The following LRRC1 variants were observed in gnomAD, a reference collection of about 807,000 sequenced individuals.
LRRC1 encodes the protein leucine rich repeat containing 1, also known as leucine-rich repeat-containing protein 1.
LRRC1 carries 28 observed loss-of-function variants against 69.9 expected under a neutral mutation model. The observed-to-expected ratio is 0.40, with a 90% CI of 0.30 to 0.55. The LOEUF is 0.55. Among genes scored for constraint, LRRC1 ranks in the 20% least tolerant of loss-of-function variants. LRRC1 has a pLI of 0.47. For synonymous variants in LRRC1, 236 were observed against 240.2 expected (o/e 0.98, Z 0.16); for missense variants, 498 against 609.0 (o/e 0.82, Z 1.92).
At chr6:53,877,851 C>T (rs181277298) in intron 2 of LRRC1, among the ~76,000 whole-genome samples, 28 of 152,308 alleles carry the variant, frequency 1.8e-4, no homozygotes, top group Admixed American at 4.6e-4. Flanking sequence ...CTCCAGCCTC[C>T]GCCTGTGAAC....
chr6:53,817,585 G>T (rs187912429), intron 1 of LRRC1, among the ~76,000 whole-genome samples: 1 of 152,184 alleles, frequency 6.6e-6, no homozygotes, highest in Non-Finnish European at 1.5e-5. Flanking sequence ...AATGAATGGG[G>T]ATTATCTTTG....
In LRRC1 at chr6:53,795,110, C is replaced by G; in HGVS notation, c.-147C>G. 2.8e-6 allele frequency: 2 copies of G among 706,380 alleles called. No individual in the cohort carries two copies. The highest frequency in any genetic ancestry group is 4.4e-6 in the Non-Finnish European group (2 of 452,300). 43.8% of individuals were successfully genotyped at this position (706,380 alleles called of 1,614,324 possible). A position where few individuals can be genotyped will look rare whatever the true frequency, so the allele number is the denominator to read the frequency against. On this transcript the variant is annotated 5_prime_UTR_variant, in exon 1 of 14. Transcript: ENST00000370888. ...AGGTTCCTTGAAGCACTTCCGACCG[C>G]GAAGCCCGGCGCGAGAAGCGAGCTA...
Position 53,922,725 on chromosome 6 carries a change from G to T in LRRC1, c.1507G>T (p.Ala503Ser), listed in dbSNP as rs745418139. The T allele has an allele frequency of 3.7e-6, 6 of 1,614,078 alleles. No individual in the cohort carries two copies. Among genetic ancestry groups the T allele is most frequent in the Middle Eastern group, 1.6e-4 (1 of 6,062 alleles). ...VENLRNDMNAAKGLDSNKNEV... is the reference protein window; with the variant it reads ...VENLRNDMNASKGLDSNKNEV... ...GAATTTACGGAATGACATGAATGCT[G>T]CTAAAGGACTGGACTCAAACAAAAA... The change falls in exon 14 of 14, where the codon GCT becomes TCT. Residue 503 changes from alanine (A) to serine (S), a missense_variant. Physicochemically the swap from Ala to Ser is moderately conservative, Grantham distance 99. This residue lies in a region of LRRC1 where 162 missense variants were observed against 162.9 expected (regional missense o/e 0.99). Coordinates refer to ENST00000370888, the MANE Select transcript of LRRC1 (RefSeq NM_018214.5).
At position 53,870,209 on chromosome 6, in the gene LRRC1, C is replaced by T. The variant is rs574324089; in HGVS notation, c.278-8784C>T. Among the ~76,000 whole-genome samples the T allele has an allele frequency of 1.4e-4, 22 of 152,070 alleles. No individual in the cohort carries two copies. In the South Asian group the frequency reaches 3.3e-3, roughly 23 times the overall value. Reference sequence around the variant, plus strand: ...CTGATCGCTGAATTCCAGACCAGCTCGACCAGAATTTCTTACAGCCACCAT... The same window carrying T: ...CTGATCGCTGAATTCCAGACCAGCTTGACCAGAATTTCTTACAGCCACCAT... On this transcript the variant is annotated intron_variant, in intron 2 of 13. Transcript: ENST00000370888.
rs367724605 is a variant in LRRC1, at chr6:53,864,067, C to T, written c.278-14926C>T. 3.5e-4 allele frequency among the ~76,000 whole-genome samples: 54 copies of T among 152,170 alleles called. No homozygotes were observed. The South Asian group carries it at 0.011, about 32-fold the overall frequency. On this transcript the variant is annotated intron_variant, in intron 2 of 13. Transcript: ENST00000370888. ...AAAATAGTTTGGCGTTCCCTCAAAC[C>T]ACTCTGCCCTTGTCCTCTCAAAGAT...
intron 2 of LRRC1, among the ~76,000 whole-genome samples, chr6:53,857,744 G>A (rs1766358807): frequency 6.6e-6 from 1 of 152,172 alleles, no homozygotes; most frequent in South Asian, 2.1e-4. Flanking sequence ...TGTCAAAAGT[G>A]GTTCACAGCC....
intron 4 of LRRC1, chr6:53,883,803 T>C: frequency 1.5e-6 from 1 of 661,340 alleles, no homozygotes; most frequent in South Asian, 1.8e-5. Context: ...CCTGCGTAAG[T>C]TCTAAGACAG....
chr6:53,889,715 T>A (rs1767613808), intron 4 of LRRC1, among the ~76,000 whole-genome samples: 1 of 152,184 alleles, frequency 6.6e-6, no homozygotes, highest in Non-Finnish European at 1.5e-5. Flanking sequence ...ATAGTGGTGA[T>A]GTTTCTATAC....
intron 13 of LRRC1, among the ~76,000 whole-genome samples, chr6:53,922,056 C>T (rs1406056988): frequency 6.6e-6 from 1 of 152,164 alleles, no homozygotes; most frequent in Non-Finnish European, 1.5e-5. Flanking sequence ...TACTCATACC[C>T]TGTTACTTAA....
intron 1 of LRRC1, among the ~76,000 whole-genome samples, chr6:53,812,640 A>T (rs144415756): frequency 0.014 from 2,054 of 142,662 alleles, 46 homozygotes; most frequent in African/African-American, 0.05. Context: ...CAGTGAGCCG[A>T]GATCGCGCCA....
chr6:53,813,538 T>TTG (rs1269376636), intron 1 of LRRC1, among the ~76,000 whole-genome samples: 1 of 147,542 alleles, frequency 6.8e-6, no homozygotes, highest in African/African-American at 2.6e-5. Context: ...GCTCAGTGGT[T>TTG]TTTTTTTTTT....
At chr6:53,812,387 A>G (rs1207389740) in intron 1 of LRRC1, among the ~76,000 whole-genome samples, 1 of 152,082 alleles carries the variant, frequency 6.6e-6, no homozygotes, top group African/African-American at 2.4e-5. Flanking sequence ...ACTGGGTACC[A>G]CCTTCAGAAT....
At chr6:53,899,978 CT>C in intron 8 of LRRC1, 87 bp downstream of exon 8, 6 of 1,061,648 alleles carry the variant, frequency 5.7e-6, no homozygotes, top group Non-Finnish European at 7.9e-6. Context: ...TTGGTCACCA[CT>C]TTCAGATGCT....
chr6:53,872,988 C>T (rs1046746323), intron 2 of LRRC1, among the ~76,000 whole-genome samples: 1 of 151,968 alleles, frequency 6.6e-6, no homozygotes, highest in African/African-American at 2.4e-5. Flanking sequence ...AAATCCTGAC[C>T]TCAAGTGATC....
At chr6:53,890,018 G>A (rs1767623785) in intron 4 of LRRC1, among the ~76,000 whole-genome samples, 1 of 152,184 alleles carries the variant, frequency 6.6e-6, no homozygotes, top group Non-Finnish European at 1.5e-5. Flanking sequence ...GATGTAGAGT[G>A]AGAGTGGAGG....
intron 2 of LRRC1, among the ~76,000 whole-genome samples, chr6:53,863,805 A>G (rs969071470): frequency 3.3e-5 from 5 of 152,222 alleles, no homozygotes; most frequent in African/African-American, 1.2e-4. Flanking sequence ...TAATAAAAAT[A>G]TATCACCGTC....
intron 1 of LRRC1, among the ~76,000 whole-genome samples, chr6:53,816,087 C>T (rs1386240600): frequency 1.3e-5 from 2 of 152,182 alleles, no homozygotes; most frequent in East Asian, 3.8e-4. Context: ...AACGTGAGCT[C>T]TTTTGGCAAA....
chr6:53,880,674 G>T (rs955913468), intron 3 of LRRC1, among the ~76,000 whole-genome samples: 2 of 152,066 alleles, frequency 1.3e-5, no homozygotes, highest in Non-Finnish European at 2.9e-5. Context: ...CCTCCTCTGG[G>T]CTCCCGTAAT....
chr6:53,905,377 G>C (rs959540431), intron 10 of LRRC1: 1 of 151,608 alleles, frequency 6.6e-6, no homozygotes, highest in Non-Finnish European at 1.5e-5. Flanking sequence ...AAAGAAGAAG[G>C]CTTACTTTCT....
Sources: allele counts gnomAD v4.1 joint callset (sites outside exome capture counted in the v4.1 genomes callset), GRCh38; gene constraint gnomAD v4.1.1; regional missense constraint gnomAD v4.1.1; transcripts MANE v1.5; gene names NCBI Gene and HGNC (gene_info 2026-07-23, HGNC 2026-07-21).